PTCHD4: variants seen among roughly 807,000 people sequenced by gnomAD.
PTCHD4 encodes the protein patched domain-containing protein 4.
PTCHD4 carries 33 observed loss-of-function variants against 58.1 expected under a neutral mutation model. The observed-to-expected ratio is 0.57, with a 90% CI of 0.43 to 0.76. PTCHD4 has a LOEUF of 0.76. Ranked by LOEUF, PTCHD4 falls within the 30% of genes least tolerant of loss-of-function variation. The pLI is 0.00. For missense variants in PTCHD4, 1,058 were observed against 1,027.1 expected, an observed-to-expected ratio of 1.03 and a Z score of -0.41; for synonymous variants, 478 against 409.6, an observed-to-expected ratio of 1.17 and a Z score of -2.02.
chr6:47,922,346 T>C (rs1334012272), intron 4 of PTCHD4, among the ~76,000 whole-genome samples: 1 of 152,206 alleles, frequency 6.6e-6, no homozygotes, highest in Non-Finnish European at 1.5e-5. Context: ...CACTCCTCTC[T>C]GACTCTTTCC....
intron 4 of PTCHD4, among the ~76,000 whole-genome samples, chr6:47,965,744 C>T (rs529204131): frequency 1.3e-5 from 2 of 152,142 alleles, no homozygotes; most frequent in South Asian, 2.1e-4. Context: ...TTGGTTAACA[C>T]GGTGAAACCC....
At chr6:48,012,785 G>T (rs904225828) in intron 3 of PTCHD4, among the ~76,000 whole-genome samples, 3 of 152,130 alleles carry the variant, frequency 2.0e-5, no homozygotes, top group South Asian at 2.1e-4. Context: ...AGCATGAAGG[G>T]GTGTTTAATT....
chr6:48,014,924 C>T (rs537016813), intron 3 of PTCHD4, among the ~76,000 whole-genome samples: 1 of 152,144 alleles, frequency 6.6e-6, no homozygotes, highest in South Asian at 2.1e-4. Context: ...AGTTTGGCTC[C>T]CATGAAATGT....
chr6:48,096,014 T>C (rs1013645690), intron 1 of PTCHD4, among the ~76,000 whole-genome samples: 1 of 152,190 alleles, frequency 6.6e-6, no homozygotes, highest in African/African-American at 2.4e-5. Flanking sequence ...TGCCAGGCTA[T>C]GGGGAAGCAA....
At position 48,068,793 on chromosome 6, in the gene PTCHD4, C is replaced by T; in HGVS notation, c.6-152G>A. 1.5e-6 allele frequency: 1 copy of T among 676,818 alleles called. No homozygotes were observed. The highest frequency in any genetic ancestry group is 1.9e-5 in the South Asian group (1 of 51,612). 41.9% of individuals were successfully genotyped at this position (676,818 alleles called of 1,614,324 possible). A position where few individuals can be genotyped will look rare whatever the true frequency, so the allele number is the denominator to read the frequency against. On this transcript the variant is annotated intron_variant, in intron 2 of 4. Transcript: ENST00000339488. This position sits in a 1 kb window ranked among gnomAD's most constrained non-coding sequence, Gnocchi z 4.2. ...CACTCCGCCTGGTCTTTCCCCGGCC[C>T]CACCTCCATGCGCTCCTACTACTCT...
At chr6:48,107,481 T>C (rs545237384) in intron 1 of PTCHD4, among the ~76,000 whole-genome samples, 1 of 152,252 alleles carries the variant, frequency 6.6e-6, no homozygotes, top group East Asian at 1.9e-4. Context: ...ATGTTAGACC[T>C]AAAACCATAA....
At chr6:48,030,343 C>G (rs147791608) in intron 3 of PTCHD4, among the ~76,000 whole-genome samples, 415 of 152,080 alleles carry the variant, frequency 2.7e-3, no homozygotes, top group African/African-American at 8.7e-3. Context: ...AAATTTTAGT[C>G]CTGTTTGCTA....
intron 4 of PTCHD4, among the ~76,000 whole-genome samples, chr6:47,974,232 T>C (rs930106769): frequency 5.3e-5 from 8 of 152,196 alleles, no homozygotes; most frequent in Non-Finnish European, 8.8e-5. Flanking sequence ...TAATATTTCA[T>C]CTCATTTTAG....
intron 1 of PTCHD4, among the ~76,000 whole-genome samples, chr6:48,108,215 T>C (rs1765783223): frequency 6.6e-6 from 1 of 152,110 alleles, no homozygotes; most frequent in Admixed American, 6.6e-5. Context: ...TGTCCAACAA[T>C]GATGGACTGG....
At chr6:47,962,887 C>T (rs1016586698) in intron 4 of PTCHD4, among the ~76,000 whole-genome samples, 5 of 150,536 alleles carry the variant, frequency 3.3e-5, no homozygotes, top group African/African-American at 9.8e-5. Context: ...ATGCCAGGTG[C>T]GGTGGCTCAC....
chr6:48,063,545 A>G (rs1764701893), intron 3 of PTCHD4, among the ~76,000 whole-genome samples: 1 of 152,198 alleles, frequency 6.6e-6, no homozygotes, highest in Non-Finnish European at 1.5e-5. Flanking sequence ...CTGGATTTAA[A>G]TCCAAGCTCC....
chr6:47,884,824 A>G (rs1412793442), intron 4 of PTCHD4, among the ~76,000 whole-genome samples: 1 of 152,246 alleles, frequency 6.6e-6, no homozygotes, highest in African/African-American at 2.4e-5. Context: ...GATCAGGGAA[A>G]GCTTCAAAAG....
intron 3 of PTCHD4, among the ~76,000 whole-genome samples, chr6:48,028,232 C>T (rs1388784588): frequency 6.6e-6 from 1 of 151,798 alleles, no homozygotes. Flanking sequence ...CATGAGTCAC[C>T]ACAATTGGCC....
At chr6:48,017,347 G>A (rs925258719) in intron 3 of PTCHD4, among the ~76,000 whole-genome samples, 5 of 152,008 alleles carry the variant, frequency 3.3e-5, no homozygotes, top group African/African-American at 9.7e-5. Flanking sequence ...AGACTTTAAA[G>A]CATTAACATG....
intron 4 of PTCHD4, among the ~76,000 whole-genome samples, chr6:47,910,870 G>A (rs916679232): frequency 1.3e-4 from 20 of 152,092 alleles, no homozygotes; most frequent in African/African-American, 4.1e-4. Context: ...TTCTCCTCAC[G>A]TATAAATATT....
chr6:47,993,729 G>A (rs1176132726), intron 4 of PTCHD4, among the ~76,000 whole-genome samples: 1 of 152,012 alleles, frequency 6.6e-6, no homozygotes, highest in African/African-American at 2.4e-5. Flanking sequence ...TGGACCTTAG[G>A]GCAGGACTTC....
intron 3 of PTCHD4, among the ~76,000 whole-genome samples, chr6:48,022,033 A>C (rs1169839065): frequency 2.6e-5 from 4 of 152,110 alleles, no homozygotes; most frequent in African/African-American, 9.7e-5. Context: ...TTGGGAGTGA[A>C]GTTAGTTGTG....
At chr6:48,105,285 A>G (rs763660205) in intron 1 of PTCHD4, among the ~76,000 whole-genome samples, 9 of 152,208 alleles carry the variant, frequency 5.9e-5, no homozygotes, top group Non-Finnish European at 1.3e-4. Context: ...ACTAGAACTC[A>G]GGATTAAGAA....
intron 4 of PTCHD4, among the ~76,000 whole-genome samples, chr6:47,943,699 G>A (rs903366215): frequency 6.6e-6 from 1 of 151,984 alleles, no homozygotes; most frequent in Admixed American, 6.6e-5. Context: ...ACTTTCAGCT[G>A]CAAATACAGA....
Sources: allele counts gnomAD v4.1 joint callset (sites outside exome capture counted in the v4.1 genomes callset), GRCh38; gene constraint gnomAD v4.1.1; non-coding constraint Gnocchi (gnomAD v3.1); transcripts MANE v1.5; gene names NCBI Gene and HGNC (gene_info 2026-07-23, HGNC 2026-07-21).